PRELID2: variants seen among roughly 807,000 people sequenced by gnomAD.
PRELID2 encodes the protein PRELI domain-containing protein 2.
PRELID2 carries 25 observed loss-of-function variants against 28.4 expected under a neutral mutation model. The ratio of observed to expected loss-of-function variants is 0.88; its 90% CI spans 0.64 to 1.23. The LOEUF (loss-of-function observed/expected upper bound fraction) is 1.23, where lower values mean the gene tolerates loss of function less well. Ranked by LOEUF, PRELID2 falls within the 50% of genes most tolerant of loss-of-function variation. PRELID2 has a pLI of 0.00. For missense variants in PRELID2, 201 were observed against 214.4 expected (o/e 0.94, Z 0.39); for synonymous variants, 76 against 71.6 (o/e 1.06, Z -0.31).
rs10214350 is a variant in PRELID2 at position 145,547,388 on chromosome 5, C to T, written n.71-74073G>A. ...TACTCAAAGATTATCCACATGGACC[C>T]GGCCTTTCCTCAGACTCAGACAAAT... On this transcript the variant is annotated intron_variant and non_coding_transcript_variant, in intron 1 of 2. Coordinates refer to the PRELID2 transcript ENST00000510259. 4.5e-3 allele frequency among the ~76,000 whole-genome samples: 677 copies of T among 151,864 alleles called. 6 individuals are homozygous for T. The highest frequency in any genetic ancestry group is 7.7e-3 in the Non-Finnish European group (522 of 67,918).
At chr5:145,415,925 C>T in the PRELID2 span, among the ~76,000 whole-genome samples, 2 of 152,090 alleles carry the variant, frequency 1.3e-5, no homozygotes, top group African/African-American at 4.8e-5. Context: ...TATTTCTCCA[C>T]TTCCTCTCCA....
the PRELID2 span, among the ~76,000 whole-genome samples, chr5:145,297,461 C>G: frequency 6.6e-6 from 1 of 151,394 alleles, no homozygotes; most frequent in East Asian, 1.9e-4. Context: ...ATTGATGGGA[C>G]GTATCTCAAA....
chr5:145,781,417 A>G (rs1446127926), intron 5 of PRELID2, among the ~76,000 whole-genome samples: 2 of 152,054 alleles, frequency 1.3e-5, no homozygotes, highest in African/African-American at 4.8e-5. Context: ...TGGTCAAACT[A>G]AAAGACTTAA....
chr5:145,289,124 C>T, the PRELID2 span, among the ~76,000 whole-genome samples: 4 of 151,170 alleles, frequency 2.6e-5, no homozygotes, highest in Middle Eastern at 3.2e-3. Flanking sequence ...TCCTGGGCTC[C>T]CCTAATCTCC....
chr5:145,603,534 G>A (rs1753429749), intron 1 of PRELID2, among the ~76,000 whole-genome samples: 1 of 151,942 alleles, frequency 6.6e-6, no homozygotes, highest in South Asian at 2.1e-4. Context: ...TTCACCGCCA[G>A]AAGACTTACA....
the PRELID2 span, among the ~76,000 whole-genome samples, chr5:145,435,340 T>A: frequency 2.0e-5 from 3 of 152,116 alleles, no homozygotes; most frequent in African/African-American, 7.2e-5. Context: ...ATGATCTAGG[T>A]AGAGAACATT....
At chr5:145,516,845 C>T (rs1163107716) in intron 1 of PRELID2, among the ~76,000 whole-genome samples, 1 of 152,134 alleles carries the variant, frequency 6.6e-6, no homozygotes, top group Non-Finnish European at 1.5e-5. Context: ...ACATCTACAC[C>T]CATCTGATCT....
At chr5:145,741,369 T>C (rs1325297880) in intron 1 of PRELID2, among the ~76,000 whole-genome samples, 5 of 115,526 alleles carry the variant, frequency 4.3e-5, no homozygotes, top group Non-Finnish European at 6.4e-5. Flanking sequence ...TTTATTTATA[T>C]ATAAATTTTA....
chr5:145,828,809 T>G (rs964381964), intron 1 of PRELID2, among the ~76,000 whole-genome samples: 3 of 150,712 alleles, frequency 2.0e-5, no homozygotes, highest in Non-Finnish European at 4.4e-5. Context: ...GACAGGTCCA[T>G]GTACTTAGAT....
intron 1 of PRELID2, among the ~76,000 whole-genome samples, chr5:145,478,680 GCCT>G (rs1333917604): frequency 6.6e-6 from 1 of 152,088 alleles, no homozygotes; most frequent in African/African-American, 2.4e-5. Flanking sequence ...AATTTTATCT[GCCT>G]CCTCTTACTT....
the PRELID2 span, among the ~76,000 whole-genome samples, chr5:145,325,202 G>A: frequency 6.6e-6 from 1 of 152,292 alleles, no homozygotes; most frequent in African/African-American, 2.4e-5. Flanking sequence ...CTAAGTGAAA[G>A]TAAACATGTT....
At chr5:145,230,151 C>T in the PRELID2 span, 1 of 456,326 alleles carries the variant, frequency 2.2e-6, no homozygotes, top group Non-Finnish European at 4.1e-6. Context: ...GCCTTGTTCT[C>T]CCCAGCTGGC....
chr5:145,678,862 G>C (rs183279623), intron 1 of PRELID2, among the ~76,000 whole-genome samples: 12 of 152,244 alleles, frequency 7.9e-5, no homozygotes, highest in Non-Finnish European at 1.6e-4. Flanking sequence ...AATCTTTTCT[G>C]TTTAATTGTA....
the PRELID2 span, among the ~76,000 whole-genome samples, chr5:145,257,806 A>G: frequency 6.6e-6 from 1 of 152,172 alleles, no homozygotes; most frequent in Non-Finnish European, 1.5e-5. Context: ...AGTGCATATA[A>G]TATGGTTTTC....
chr5:145,584,175 A>C (rs1034407493), intron 1 of PRELID2, among the ~76,000 whole-genome samples: 2 of 152,164 alleles, frequency 1.3e-5, no homozygotes, highest in African/African-American at 4.8e-5. Flanking sequence ...CCTGACAAAA[A>C]CAAGCAATAG....
intron 1 of PRELID2, among the ~76,000 whole-genome samples, chr5:145,503,532 G>GA (rs34518739): frequency 2.0e-5 from 3 of 151,706 alleles, no homozygotes; most frequent in African/African-American, 4.8e-5. Flanking sequence ...ACTGCCCTAT[G>GA]AAAAAAATCA....
At chr5:145,345,528 G>C in the PRELID2 span, among the ~76,000 whole-genome samples, 2 of 151,988 alleles carry the variant, frequency 1.3e-5, no homozygotes, top group Non-Finnish European at 2.9e-5. Flanking sequence ...AAAATTCTGT[G>C]CTCCCACAGC....
chr5:145,544,065 G>A (rs1398931672), intron 1 of PRELID2, among the ~76,000 whole-genome samples: 1 of 152,034 alleles, frequency 6.6e-6, no homozygotes, highest in Non-Finnish European at 1.5e-5. Flanking sequence ...AGGACAGAGT[G>A]AAGCAGAATT....
downstream of PRELID2, among the ~76,000 whole-genome samples, chr5:145,755,407 A>AT (rs1459879003): frequency 6.6e-6 from 1 of 152,144 alleles, no homozygotes; most frequent in Non-Finnish European, 1.5e-5. Context: ...ATTTTATGAG[A>AT]TTTTTCATGG....
Sources: allele counts gnomAD v4.1 joint callset (sites outside exome capture counted in the v4.1 genomes callset), GRCh38; gene constraint gnomAD v4.1.1; transcripts MANE v1.5; gene names NCBI Gene and HGNC (gene_info 2026-07-23, HGNC 2026-07-21).